The following ERGIC1 variants were observed in gnomAD, a reference collection of about 807,000 sequenced individuals.
ERGIC1 encodes endoplasmic reticulum-golgi intermediate compartment 1.
ERGIC1 carries 19 observed loss-of-function variants against 38.3 expected under a neutral mutation model. The ratio of observed to expected loss-of-function variants is 0.50; its 90% CI spans 0.35 to 0.73. The LOEUF (loss-of-function observed/expected upper bound fraction) is 0.73, where lower values mean the gene tolerates loss of function less well. ERGIC1 is among the 30% of genes least tolerant of loss of function. The pLI is 0.01. For synonymous variants in ERGIC1, 124 were observed against 157.6 expected (o/e 0.79, Z 1.60); for missense variants, 294 against 389.2 (o/e 0.76, Z 2.06).
rs995769134 is a variant in ERGIC1, at chr5:172,837,091, C to T, written c.20+2658C>T. Among the ~76,000 whole-genome samples, 2 of 152,130 alleles carry T rather than the reference C, an allele frequency of 1.3e-5. No individual in the cohort carries two copies. Among genetic ancestry groups the T allele is most frequent in the Admixed American group, 6.5e-5 (1 of 15,284 alleles). On this transcript the variant is annotated intron_variant, in intron 1 of 9. Coordinates refer to ENST00000393784, the MANE Select transcript of ERGIC1 (RefSeq NM_001031711.3). This position sits in a 1 kb window ranked among gnomAD's most constrained non-coding sequence, Gnocchi z 4.3. ...AGAGGGGTATACCGTGATTAGACCT[C>T]CTCCCCCAGTTCAAGGCCAGGGAGA...
chr5:172,858,355 C>A (rs965697830), intron 1 of ERGIC1, among the ~76,000 whole-genome samples: 1 of 152,166 alleles, frequency 6.6e-6, no homozygotes, highest in African/African-American at 2.4e-5. Flanking sequence ...AAGCTTCAGC[C>A]CTTACAGGGT....
At chr5:172,904,170 A>T (rs957804933) in intron 3 of ERGIC1, among the ~76,000 whole-genome samples, 5 of 151,970 alleles carry the variant, frequency 3.3e-5, no homozygotes, top group Admixed American at 1.3e-4. Flanking sequence ...TATTTTAGTG[A>T]GGTATGTGTA....
At chr5:172,843,234 G>T (rs1761200977) in intron 1 of ERGIC1, among the ~76,000 whole-genome samples, 1 of 152,160 alleles carries the variant, frequency 6.6e-6, no homozygotes, top group South Asian at 2.1e-4. Context: ...CCCTTATCAG[G>T]TGTATGGTTT....
At chr5:172,935,070 T>A in intron 8 of ERGIC1, 118 bp from the exon 9 acceptor site, 1 of 1,468,242 alleles carries the variant, frequency 6.8e-7, no homozygotes, top group Non-Finnish European at 9.4e-7. Context: ...TCTGGCTTCG[T>A]GGGGCAGAGA....
At chr5:172,914,931 C>G (rs759655765) in intron 5 of ERGIC1, 93 bp downstream of exon 5, 51 of 1,567,518 alleles carry the variant, frequency 3.3e-5, no homozygotes, top group Admixed American at 9.0e-5. Context: ...ACTCACTCGA[C>G]CTGACCCTGA....
rs1581549097 is a variant in ERGIC1, at chr5:172,893,911, G to GTATATATATATATATACACACATATATA, written c.83-3090_83-3089insATATATATATATATACACACATATATAT. Among the ~76,000 whole-genome samples the GTATATATATATATATACACACATATATA allele has an allele frequency of 5.7e-5, 2 of 35,082 alleles. 1 individual carries two copies. The highest frequency in any genetic ancestry group is 2.4e-3 in the East Asian group (2 of 820). 23.0% of individuals were successfully genotyped at this position (35,082 alleles called of 152,430 possible). On this transcript the variant is annotated intron_variant, in intron 2 of 9. Coordinates refer to ENST00000393784, the MANE Select transcript of ERGIC1 (RefSeq NM_001031711.3). ...TATATATATATATATATATATGTGT[G>GTATATATATATATATACACACATATATA]TGTGTGTGTGTGTGTGTGTGTGTGT...
At chr5:172,884,215 G>T (rs1762356522) in intron 1 of ERGIC1, among the ~76,000 whole-genome samples, 1 of 131,920 alleles carries the variant, frequency 7.6e-6, no homozygotes, top group African/African-American at 2.9e-5. Flanking sequence ...TGCTCACATT[G>T]TCTATTCTTC....
At chr5:172,939,774 C>G (rs1224189575) in intron 9 of ERGIC1, among the ~76,000 whole-genome samples, 1 of 152,246 alleles carries the variant, frequency 6.6e-6, no homozygotes, top group African/African-American at 2.4e-5. Context: ...AGCCAGCCGG[C>G]CGGCTGTCCC....
chr5:172,874,060 A>G (rs1370372337), intron 1 of ERGIC1, among the ~76,000 whole-genome samples: 1 of 151,980 alleles, frequency 6.6e-6, no homozygotes, highest in Admixed American at 6.6e-5. Context: ...AGTTCATTCT[A>G]CAGTGGGGCC....
chr5:172,891,710 G>A (rs1392101894), intron 2 of ERGIC1, among the ~76,000 whole-genome samples: 1 of 152,198 alleles, frequency 6.6e-6, no homozygotes, highest in Non-Finnish European at 1.5e-5. Context: ...AAAGTGCTGG[G>A]ATTCCAGGCA....
In ERGIC1 at chr5:172,847,429, A is replaced by G. The variant is rs367687743; in HGVS notation, c.20+12996A>G. On this transcript the variant is annotated intron_variant, in intron 1 of 9. Transcript: ENST00000393784. ...TGTCTCTACCATGGCAACTGAAATC[A>G]GTGGTTTTTACCCTTCCACTATTCT... Among the ~76,000 whole-genome samples the G allele has an allele frequency of 7.3e-4, 111 of 152,294 alleles. 1 individual carries two copies. Among genetic ancestry groups the G allele is most frequent in the Admixed American group, 4.4e-3 (67 of 15,294 alleles).
At chr5:172,932,824 G>T (rs1208880541) in intron 8 of ERGIC1, 2 of 398,130 alleles carry the variant, frequency 5.0e-6, no homozygotes, top group East Asian at 1.0e-4. Context: ...GGGGTTGCAG[G>T]TCTCAAACAG....
At chr5:172,938,613 A>G (rs1310884002) in intron 9 of ERGIC1, among the ~76,000 whole-genome samples, 1 of 152,022 alleles carries the variant, frequency 6.6e-6, no homozygotes, top group South Asian at 2.1e-4. Flanking sequence ...TTAGCTGAGC[A>G]TGGGGGTGGG....
Position 172,888,694 on chromosome 5 carries a change from C to T in ERGIC1, c.21-5C>T. The T allele has an allele frequency of 6.2e-7, 1 of 1,613,944 alleles. No homozygotes were observed. Among genetic ancestry groups the T allele is most frequent in the Non-Finnish European group, 8.5e-7 (1 of 1,179,868 alleles). On this transcript the variant is annotated splice_polypyrimidine_tract_variant and splice_region_variant and intron_variant, in intron 1 of 9. Transcript: ENST00000393784. The stretch of plus-strand genomic sequence containing the variant: ...CCTCACTCCTGTTCCATTTGCTCTC[C>T]ACAGGTTTGACATCTACAGGAAGGT...
rs113638722 is a variant in ERGIC1, at chr5:172,888,368, G to A, written c.21-331G>A. On this transcript the variant is annotated intron_variant, in intron 1 of 9. Coordinates refer to ENST00000393784, the MANE Select transcript of ERGIC1 (RefSeq NM_001031711.3). ...CCAGCTACTTGGGAGGCTGAGACAC[G>A]AGACTCACTTGAACCTGGGAGGCAG... Among the ~76,000 whole-genome samples, 1,354 of 152,204 alleles carry A rather than the reference G, an allele frequency of 8.9e-3. 17 individuals are homozygous for A. Among genetic ancestry groups the A allele is most frequent in the African/African-American group, 0.031 (1,270 of 41,520 alleles).
At chr5:172,936,877 T>C (rs761885845) in intron 9 of ERGIC1, 4 of 152,284 alleles carry the variant, frequency 2.6e-5, no homozygotes, top group Non-Finnish European at 4.4e-5. Flanking sequence ...TATGCACCTG[T>C]AGTCCCAGCT....
At chr5:172,879,186 C>T (rs185698312) in intron 1 of ERGIC1, among the ~76,000 whole-genome samples, 67 of 152,328 alleles carry the variant, frequency 4.4e-4, no homozygotes, top group African/African-American at 1.5e-3. Flanking sequence ...GTTAAAATAG[C>T]AAAGCTGAGG....
intron 1 of ERGIC1, among the ~76,000 whole-genome samples, chr5:172,884,257 T>TG (rs1269016829): frequency 0.012 from 788 of 68,046 alleles, 7 homozygotes; most frequent in African/African-American, 0.024. Flanking sequence ...TTTTTTTTTT[T>TG]TTTTTTTTTT....
At chr5:172,929,341 T>G (rs1217105853) in intron 7 of ERGIC1, among the ~76,000 whole-genome samples, 3 of 152,012 alleles carry the variant, frequency 2.0e-5, no homozygotes, top group Non-Finnish European at 4.4e-5. Context: ...TTCCCTATGT[T>G]TTAGGTTTGA....
Sources: allele counts gnomAD v4.1 joint callset (sites outside exome capture counted in the v4.1 genomes callset), GRCh38; gene constraint gnomAD v4.1.1; non-coding constraint Gnocchi (gnomAD v3.1); transcripts MANE v1.5; gene names NCBI Gene and HGNC (gene_info 2026-07-23, HGNC 2026-07-21).